Variants in ASCC2 observed in about 807,000 individuals in gnomAD.
ASCC2 encodes the protein activating signal cointegrator 1 complex subunit 2, also known as ASC-1 complex subunit P100.
In ASCC2, 42 loss-of-function variants were observed where a neutral mutation model predicts 93.5. The ratio of observed to expected loss-of-function variants is 0.45; its 90% CI spans 0.35 to 0.58. ASCC2 has a LOEUF of 0.58. Among genes scored for constraint, ASCC2 ranks in the 20% least tolerant of loss-of-function variants. ASCC2 has a pLI of 0.00. For synonymous variants in ASCC2, 364 were observed against 384.2 expected, an observed-to-expected ratio of 0.95 and a Z score of 0.62; for missense variants, 859 against 977.6, an observed-to-expected ratio of 0.88 and a Z score of 1.62.
intron 6 of ASCC2, 133 bp downstream of exon 6, chr22:29,815,869 ACTGT>A (rs1463209938): frequency 4.2e-6 from 3 of 711,400 alleles, no homozygotes; most frequent in Non-Finnish European, 7.1e-6. Context: ...AGACAAAGAG[ACTGT>A]CTGGGGAGAT....
chr22:29,812,619 G>A (rs5752964), intron 8 of ASCC2, among the ~76,000 whole-genome samples: 47,456 of 152,044 alleles, frequency 0.31, 8,517 homozygotes, highest in East Asian at 0.59. Flanking sequence ...TTACTGGCTT[G>A]TTTTCCTGCT....
chr22:29,822,939 C>T (rs2061768845), intron 4 of ASCC2, among the ~76,000 whole-genome samples: 1 of 152,010 alleles, frequency 6.6e-6, no homozygotes, highest in Admixed American at 6.6e-5. Flanking sequence ...AAGCTGGTCT[C>T]GAACTCCTGA....
intron 5 of ASCC2, among the ~76,000 whole-genome samples, chr22:29,820,510 G>A (rs2061424122): frequency 6.6e-6 from 1 of 152,018 alleles, no homozygotes; most frequent in Non-Finnish European, 1.5e-5. Flanking sequence ...GAAAAATACA[G>A]AGAAAAGACT....
Position 29,793,354 on chromosome 22 carries a change from C to T in ASCC2, c.1919+6G>A, listed in dbSNP as rs137980520. The T allele has an allele frequency of 2.4e-3, 3,886 of 1,613,128 alleles. 50 individuals are homozygous for T. In the East Asian group the frequency reaches 0.027, roughly 11 times the overall value. ...CCCTGGAACGCCACCCCCACTATGG[C>T]CTCACCTGCGGCTGATGAGCTCGTC... is the stretch of plus-strand genomic sequence containing the variant. On this transcript the variant is annotated splice_donor_region_variant and intron_variant, in intron 17 of 19. Coordinates refer to ENST00000307790, the MANE Select transcript of ASCC2 (RefSeq NM_032204.5).
chr22:29,815,658 A>G (rs1486711671), intron 6 of ASCC2, among the ~76,000 whole-genome samples: 1 of 152,144 alleles, frequency 6.6e-6, no homozygotes, highest in African/African-American at 2.4e-5. Context: ...TATTTCATGA[A>G]ATAATTTTGT....
intron 17 of ASCC2, 123 bp from the exon 18 acceptor site, chr22:29,792,658 C>A: frequency 7.4e-7 from 1 of 1,350,348 alleles, no homozygotes; most frequent in Non-Finnish European, 1.0e-6. Context: ...TTGGGAAAAA[C>A]CAAAAGCCTT....
rs73161078 is a variant in ASCC2 at position 29,829,453 on chromosome 22, T to C, written c.81+2792A>G. Among the ~76,000 whole-genome samples, 269 of 152,218 alleles carry C rather than the reference T, an allele frequency of 1.8e-3. 1 individual carries two copies. Among genetic ancestry groups the C allele is most frequent in the South Asian group, 2.9e-3 (14 of 4,820 alleles). ...ATGAATGGAGGCTGACTGGACGTGG[T>C]GGCTCACGCCTGTAATCCCAGTGCT... is the stretch of plus-strand genomic sequence containing the variant. On this transcript the variant is annotated intron_variant, in intron 2 of 19. Transcript: ENST00000307790.
At position 29,808,325 on chromosome 22, in the gene ASCC2, C is replaced by T. The variant is rs1601959316; in HGVS notation, c.834-140G>A. On this transcript the variant is annotated intron_variant, in intron 8 of 19. Transcript: ENST00000307790. ...TTCTCCAGGGACCCCTTGGTTCTTC[C>T]CTGAGCTCACCCCAGACTGACCCAC... 8.5e-6 allele frequency: 7 copies of T among 823,074 alleles called. No individual in the cohort carries two copies. In the East Asian group the frequency reaches 1.6e-4, roughly 19 times the overall value. The allele number at this position is 823,074 out of a possible 1,614,324, so 51.0% of individuals were successfully genotyped here. A position where few individuals can be genotyped will look rare whatever the true frequency, so the allele number is the denominator to read the frequency against.
chr22:29,826,763 T>G (rs1728613720), intron 2 of ASCC2, among the ~76,000 whole-genome samples: 1 of 152,080 alleles, frequency 6.6e-6, no homozygotes, highest in South Asian at 2.1e-4. Flanking sequence ...CACCATCTGA[T>G]GGGTGTCCTT....
intron 14 of ASCC2, 89 bp from the exon 15 acceptor site, chr22:29,801,199 C>T (rs1172902884): frequency 2.8e-5 from 40 of 1,453,626 alleles, no homozygotes; most frequent in Non-Finnish European, 3.3e-5. Context: ...TTAAATCCAT[C>T]GGATTTTTCA....
At chr22:29,807,717 T>G (rs2059837895) in intron 9 of ASCC2, among the ~76,000 whole-genome samples, 1 of 152,092 alleles carries the variant, frequency 6.6e-6, no homozygotes, top group African/African-American at 2.4e-5. Context: ...AAGACCAGCC[T>G]GGCCAACACG....
At chr22:29,828,716 C>T (rs1349126284) in intron 2 of ASCC2, among the ~76,000 whole-genome samples, 1 of 152,130 alleles carries the variant, frequency 6.6e-6, no homozygotes, top group African/African-American at 2.4e-5. Flanking sequence ...ATTAAAAGTG[C>T]TTTCAGATCA....
chr22:29,819,985 G>A (rs2061359196), intron 5 of ASCC2, among the ~76,000 whole-genome samples: 1 of 151,826 alleles, frequency 6.6e-6, no homozygotes, highest in Admixed American at 6.6e-5. Flanking sequence ...TCAGCCTCCA[G>A]AGTAGCTGAG....
chr22:29,810,719 A>T (rs2060187009), intron 8 of ASCC2, among the ~76,000 whole-genome samples: 1 of 151,998 alleles, frequency 6.6e-6, no homozygotes, highest in South Asian at 2.1e-4. Context: ...ATGTGTGTGC[A>T]AAGTTATTCT....
rs369820149 is a variant in ASCC2, at chr22:29,820,116, T to G, written c.541+2219A>C. Among the ~76,000 whole-genome samples the G allele has an allele frequency of 5.0e-4, 76 of 152,100 alleles. No homozygotes were observed. The South Asian group carries it at 6.0e-3, about 12-fold the overall frequency. ...TGATCAGGAAATAATTAGATATGAA[T>G]GAGAAACCAGAGATTATTTCAGTGA... On this transcript the variant is annotated intron_variant, in intron 5 of 19. Coordinates refer to ENST00000307790, the MANE Select transcript of ASCC2 (RefSeq NM_032204.5).
chr22:29,810,548 C>T (rs1176894676), intron 8 of ASCC2, among the ~76,000 whole-genome samples: 1 of 152,206 alleles, frequency 6.6e-6, no homozygotes, highest in Non-Finnish European at 1.5e-5. Flanking sequence ...ACAGGTTCAG[C>T]TGTTGCCAGG....
chr22:29,789,061 C>T lies in ASCC2; in HGVS notation c.2226G>A (p.Arg742=). The T allele has an allele frequency of 6.2e-7, 1 of 1,614,178 alleles. No individual in the cohort carries two copies. The highest frequency in any genetic ancestry group is 8.5e-7 in the Non-Finnish European group (1 of 1,180,018). ...TCCTCTTGCGGTCGGCCATGGTTCT[C>T]CGGTTGTGGTTGGCTCTTGTCGCCT... ...ANKATRANHN[R]RTMADRKRSK... is the part of the protein sequence containing the mutation. The change falls in exon 20 of 20, where the codon CGG becomes CGA. Residue 742 remains arginine, a synonymous_variant. Transcript: ENST00000307790.
chr22:29,829,185 T>C (rs904440675), intron 2 of ASCC2, among the ~76,000 whole-genome samples: 1 of 151,566 alleles, frequency 6.6e-6, no homozygotes, highest in African/African-American at 2.4e-5. Flanking sequence ...AAAAAAAAAA[T>C]TCCCTTTCTT....
At chr22:29,808,042 A>C in intron 9 of ASCC2, 69 bp downstream of exon 9, 1 of 1,520,276 alleles carries the variant, frequency 6.6e-7, no homozygotes, top group Non-Finnish European at 9.1e-7. Flanking sequence ...GCTAATGCCC[A>C]GGGAAGGCAG....
Sources: gnomAD v4.1 joint callset for allele counts (sites outside exome capture counted in the v4.1 genomes callset) on GRCh38, gnomAD v4.1.1 for gene constraint, MANE v1.5 for transcripts, NCBI Gene and HGNC (gene_info 2026-07-23, HGNC 2026-07-21) for gene names.